The following MLXIPL variants were observed in gnomAD, a reference collection of about 807,000 sequenced individuals.
MLXIPL encodes the protein carbohydrate-responsive element-binding protein.
MLXIPL carries 49 observed loss-of-function variants against 81.5 expected under a neutral mutation model. The observed-to-expected ratio is 0.60, with a 90% CI of 0.48 to 0.76. The LOEUF (loss-of-function observed/expected upper bound fraction) is 0.76, where lower values mean the gene tolerates loss of function less well. MLXIPL is among the 30% of genes least tolerant of loss of function. The pLI is 0.00. For missense variants in MLXIPL, 1,053 were observed against 1,167.0 expected, an observed-to-expected ratio of 0.90 and a Z score of 1.42; for synonymous variants, 466 against 485.5, an observed-to-expected ratio of 0.96 and a Z score of 0.53.
chr7:73,628,177 C>A (rs991193464), upstream of MLXIPL, among the ~76,000 whole-genome samples: 1 of 151,884 alleles, frequency 6.6e-6, no homozygotes, highest in South Asian at 2.1e-4. Flanking sequence ...CTCTGCTGGC[C>A]GTGTCTCCAG....
At chr7:73,636,058 A>G in the MLXIPL span, among the ~76,000 whole-genome samples, 1 of 152,166 alleles carries the variant, frequency 6.6e-6, no homozygotes, top group Admixed American at 6.5e-5. Flanking sequence ...CCGGACTTGC[A>G]GCCCAGGGGG....
the MLXIPL span, among the ~76,000 whole-genome samples, chr7:73,630,149 C>T: frequency 6.6e-6 from 1 of 152,050 alleles, no homozygotes; most frequent in East Asian, 1.9e-4. Context: ...AGGCGCCCGC[C>T]ACCACTCCCG....
At chr7:73,631,369 A>C in the MLXIPL span, among the ~76,000 whole-genome samples, 1 of 151,960 alleles carries the variant, frequency 6.6e-6, no homozygotes, top group Admixed American at 6.6e-5. Flanking sequence ...AGCTAAGTGC[A>C]GCCCTATGGG....
intron 8 of MLXIPL, among the ~76,000 whole-genome samples, chr7:73,599,024 T>C (rs1554595211): frequency 1.3e-5 from 2 of 150,136 alleles, no homozygotes; most frequent in African/African-American, 4.9e-5. Context: ...GCCGAGATCA[T>C]GCCACTGCAC....
rs1203531229 is a variant in MLXIPL, at chr7:73,595,826, C to T, written c.2186+16G>A. 2.5e-6 allele frequency: 4 copies of T among 1,594,882 alleles called. No individual in the cohort carries two copies. The African/African-American group carries it at 5.4e-5, about 21-fold the overall frequency. On this transcript the variant is annotated intron_variant, in intron 14 of 16. Coordinates refer to ENST00000313375, the MANE Select transcript of MLXIPL (RefSeq NM_032951.3). Reference sequence around the variant, plus strand: ...CATGGCCCCCTGGTCCCAGCACCCGCCTGGACCCTGCCTACTTAATGGCGG... The same window carrying T: ...CATGGCCCCCTGGTCCCAGCACCCGTCTGGACCCTGCCTACTTAATGGCGG...
intron 7 of MLXIPL, 27 bp downstream of exon 7, chr7:73,605,661 C>T (rs781809572): frequency 2.5e-6 from 4 of 1,612,234 alleles, no homozygotes; most frequent in Non-Finnish European, 3.4e-6. Context: ...TGCCCGTCCA[C>T]CCGACCTGGG....
chr7:73,612,177 A>T (rs1339879524), intron 2 of MLXIPL, among the ~76,000 whole-genome samples: 6 of 151,900 alleles, frequency 3.9e-5, no homozygotes, highest in African/African-American at 1.5e-4. Flanking sequence ...AATTAAAAAT[A>T]AAAAATAGCT....
the MLXIPL span, among the ~76,000 whole-genome samples, chr7:73,642,479 G>A: frequency 6.6e-6 from 1 of 152,108 alleles, no homozygotes; most frequent in Non-Finnish European, 1.5e-5. Flanking sequence ...AGCCTCTGGA[G>A]TAGCTGGGAC....
In MLXIPL at chr7:73,597,147, C is replaced by T. The variant is rs1034517510; in HGVS notation, c.1603+35G>A. On this transcript the variant is annotated intron_variant, in intron 9 of 16. Transcript: ENST00000313375. ...GTCCTCCCCACCCCCTGGCCTCCCTCCCCAGGCTTTCCTCTCCCCGTTGCT... is the reference window on the plus strand; with the variant it reads ...GTCCTCCCCACCCCCTGGCCTCCCTTCCCAGGCTTTCCTCTCCCCGTTGCT... 2.6e-6 allele frequency: 4 copies of T among 1,563,962 alleles called. No homozygotes were observed. In the African/African-American group the frequency reaches 5.4e-5, roughly 21 times the overall value.
At chr7:73,643,051 C>T in the MLXIPL span, among the ~76,000 whole-genome samples, 7 of 152,108 alleles carry the variant, frequency 4.6e-5, no homozygotes, top group African/African-American at 1.7e-4. Context: ...TGCCAGGAGC[C>T]ACAGTCAAAG....
At chr7:73,647,388 G>A in the MLXIPL span, among the ~76,000 whole-genome samples, 1 of 152,190 alleles carries the variant, frequency 6.6e-6, no homozygotes, top group Non-Finnish European at 1.5e-5. Flanking sequence ...GAGAGCCAGA[G>A]GGAGGAAGGC....
chr7:73,598,768 A>G (rs1794552302), intron 8 of MLXIPL, among the ~76,000 whole-genome samples: 1 of 152,090 alleles, frequency 6.6e-6, no homozygotes, highest in South Asian at 2.1e-4. Context: ...TTAGCACCTG[A>G]AAAGTCTGAT....
rs782287726 is a variant in MLXIPL, at chr7:73,616,188, G to A, written c.294-11C>T. The A allele has an allele frequency of 1.1e-5, 17 of 1,605,272 alleles. No individual in the cohort carries two copies. The highest frequency in any genetic ancestry group is 3.3e-5 in the Admixed American group (2 of 59,974). ...GACACCAGCTTGCCACTGTCAAAGG[G>A]GAGAGGAGTAGGGTTAGGGAGATGC... On this transcript the variant is annotated splice_polypyrimidine_tract_variant and intron_variant, in intron 1 of 16. Coordinates refer to ENST00000313375, the MANE Select transcript of MLXIPL (RefSeq NM_032951.3).
At chr7:73,616,043 G>A in intron 2 of MLXIPL, 28 bp downstream of exon 2, 1 of 1,579,464 alleles carries the variant, frequency 6.3e-7, no homozygotes, top group Non-Finnish European at 8.7e-7. Context: ...GTCCCTCCCG[G>A]CTTGGGAGGC....
In MLXIPL at chr7:73,607,443, G is replaced by A. The variant is rs945381475; in HGVS notation, c.484-23C>T. On this transcript the variant is annotated intron_variant, in intron 3 of 16. Transcript: ENST00000313375. Reference sequence around the variant, plus strand: ...GGCCTGGGGTAGGGGCCGGGGGAGGGGGATCAGTAGAGAGGGGAGCACCGC... The same window carrying A: ...GGCCTGGGGTAGGGGCCGGGGGAGGAGGATCAGTAGAGAGGGGAGCACCGC... 2.6e-6 allele frequency: 4 copies of A among 1,544,752 alleles called. No individual in the cohort carries two copies. In the South Asian group the frequency reaches 3.6e-5, roughly 14 times the overall value.
the MLXIPL span, among the ~76,000 whole-genome samples, chr7:73,638,979 GA>G: frequency 6.6e-6 from 1 of 151,654 alleles, no homozygotes; most frequent in Admixed American, 6.6e-5. Flanking sequence ...GTAGAGAGGA[GA>G]AAAAAAATAG....
rs1256359558 is a variant in MLXIPL, at chr7:73,596,044, G to C, written c.2059-75C>G. On this transcript the variant is annotated intron_variant, in intron 13 of 16. Coordinates refer to ENST00000313375, the MANE Select transcript of MLXIPL (RefSeq NM_032951.3). This position sits in a 1 kb window ranked among gnomAD's most constrained non-coding sequence, Gnocchi z 4.7. ...GGGACCCACTGAGGCACTGGGATGG[G>C]AGGAGGCAAGAGTGTCTGGAGCACT... 1.2e-6 allele frequency: 2 copies of C among 1,601,776 alleles called. No individual in the cohort carries two copies. The highest frequency in any genetic ancestry group is 1.7e-6 in the Non-Finnish European group (2 of 1,176,904).
At chr7:73,625,817 C>T (rs1796710171), upstream of MLXIPL, among the ~76,000 whole-genome samples, 1 of 152,002 alleles carries the variant, frequency 6.6e-6, no homozygotes, top group African/African-American at 2.4e-5. Context: ...GTGATCATTA[C>T]TTCACCTGCA....
rs1314271171 is a variant in MLXIPL at position 73,623,549 on chromosome 7, G to A, written c.293+651C>T. On this transcript the variant is annotated intron_variant, in intron 1 of 16. Transcript: ENST00000313375. This position sits in a 1 kb window ranked among gnomAD's most constrained non-coding sequence, Gnocchi z 5.7. ...GGCGAACCCAGGCCTCCCGGGCACC[G>A]GCGTAACCTCTGCGAGCTGCGCCTC... 1.3e-5 allele frequency among the ~76,000 whole-genome samples: 2 copies of A among 152,156 alleles called. No individual in the cohort carries two copies. Among genetic ancestry groups the A allele is most frequent in the African/African-American group, 2.4e-5 (1 of 41,436 alleles).
Sources: allele counts gnomAD v4.1 joint callset (sites outside exome capture counted in the v4.1 genomes callset), GRCh38; gene constraint gnomAD v4.1.1; non-coding constraint Gnocchi (gnomAD v3.1); transcripts MANE v1.5; gene names NCBI Gene and HGNC (gene_info 2026-07-23, HGNC 2026-07-21).